The following KLHL29 variants were observed in gnomAD, a reference collection of about 807,000 sequenced individuals.
KLHL29 encodes the protein kelch like family member 29, also known as kelch-like protein 29.
In KLHL29, 21 loss-of-function variants were observed where a neutral mutation model predicts 80.4. The observed-to-expected ratio is 0.26, with a 90% confidence interval of 0.19 to 0.38. KLHL29 has a LOEUF of 0.38. Ranked by LOEUF, KLHL29 falls within the 10% of genes least tolerant of loss-of-function variation. The pLI is 1.00. For missense variants in KLHL29, 867 were observed against 1,223.9 expected (o/e 0.71, Z 4.35); for synonymous variants, 511 against 526.8 (o/e 0.97, Z 0.41).
At chr2:23,518,582 C>T (rs1417638626) in intron 2 of KLHL29, among the ~76,000 whole-genome samples, 2 of 152,178 alleles carry the variant, frequency 1.3e-5, no homozygotes, top group African/African-American at 4.8e-5. Context: ...TCCGGGAAGG[C>T]TCTGTGCACC....
chr2:23,582,466 C>G (rs1668011104), intron 3 of KLHL29, among the ~76,000 whole-genome samples: 1 of 152,148 alleles, frequency 6.6e-6, no homozygotes, highest in Non-Finnish European at 1.5e-5. Context: ...CCGGGGACCC[C>G]TATGACTCAG....
chr2:23,548,981 C>T (rs1667054927), intron 2 of KLHL29, among the ~76,000 whole-genome samples: 1 of 152,180 alleles, frequency 6.6e-6, no homozygotes, highest in Admixed American at 6.5e-5. Flanking sequence ...TGATCCCTTC[C>T]CCGCCTGCCT....
intron 3 of KLHL29, among the ~76,000 whole-genome samples, chr2:23,624,118 G>A (rs577484700): frequency 6.6e-6 from 1 of 152,210 alleles, no homozygotes; most frequent in East Asian, 1.9e-4. Context: ...CTTCTCACAA[G>A]GCGCCATTGG....
chr2:23,621,765 A>C (rs1048382449), intron 3 of KLHL29, among the ~76,000 whole-genome samples: 18 of 152,192 alleles, frequency 1.2e-4, no homozygotes, highest in African/African-American at 4.3e-4. Context: ...GGGAGTGCCC[A>C]GACAAGCTGC....
chr2:23,474,833 T>C (rs976867296), intron 1 of KLHL29, among the ~76,000 whole-genome samples: 4 of 152,092 alleles, frequency 2.6e-5, no homozygotes, highest in African/African-American at 9.7e-5. Flanking sequence ...ATATATTTGG[T>C]TTAAAAAAAT....
intron 1 of KLHL29, among the ~76,000 whole-genome samples, chr2:23,449,901 C>G (rs573660397): frequency 6.6e-6 from 1 of 152,154 alleles, no homozygotes. Context: ...GGCTATCTAG[C>G]GAGGCTCTGC....
At chr2:23,674,848 C>T (rs545589142) in intron 5 of KLHL29, among the ~76,000 whole-genome samples, 24 of 152,130 alleles carry the variant, frequency 1.6e-4, no homozygotes, top group Middle Eastern at 3.4e-3. Context: ...CATAAAAGGA[C>T]GGTAGGGCCA....
intron 2 of KLHL29, among the ~76,000 whole-genome samples, chr2:23,476,606 T>C (rs78943504): frequency 0.045 from 6,796 of 152,278 alleles, 379 homozygotes; most frequent in African/African-American, 0.13. Flanking sequence ...ACTCTGTGGA[T>C]ATAATAGCAT....
intron 3 of KLHL29, among the ~76,000 whole-genome samples, chr2:23,601,811 A>G (rs1668578837): frequency 6.6e-6 from 1 of 152,158 alleles, no homozygotes; most frequent in South Asian, 2.1e-4. Context: ...AGGGGTTTCC[A>G]TCCCACATCC....
chr2:23,388,989 C>CTTCTTCTTTTT (rs759353519), intron 1 of KLHL29, among the ~76,000 whole-genome samples: 1 of 106,884 alleles, frequency 9.4e-6, no homozygotes, highest in African/African-American at 3.8e-5. Flanking sequence ...CTTTCTTCTT[C>CTTCTTCTTTTT]TTTTTTTTTT....
Position 23,703,762 on chromosome 2 carries a change from C to A in KLHL29, c.2343C>A (p.Phe781Leu). 8 of 1,537,356 alleles carry A rather than the reference C, an allele frequency of 5.2e-6. No homozygotes were observed. Among genetic ancestry groups the A allele is most frequent in the Non-Finnish European group, 7.0e-6 (8 of 1,146,926 alleles). The change falls in exon 13 of 14, where the codon TTC (phenylalanine) becomes TTA (leucine). Residue 781 changes from phenylalanine to leucine, a missense_variant. This residue lies in a region of KLHL29 where 443 missense variants were observed against 767.0 expected (regional missense o/e 0.58). Transcript: ENST00000486442. ...CTGTCACGCTCAATGGCTTCGTTTT[C>A]ATCCTGGGCGGGGCTTATGCCAGAG... ...APAVTLNGFV[F>L]ILGGAYARAT... is the part of the protein sequence containing the mutation.
intron 3 of KLHL29, among the ~76,000 whole-genome samples, chr2:23,611,860 A>T (rs1194816004): frequency 6.7e-6 from 1 of 149,592 alleles, no homozygotes; most frequent in Admixed American, 6.7e-5. Flanking sequence ...TTAAGAATTC[A>T]ATGTCGAGTT....
chr2:23,597,682 C>A (rs1258269680), intron 3 of KLHL29, among the ~76,000 whole-genome samples: 1 of 151,948 alleles, frequency 6.6e-6, no homozygotes, highest in Non-Finnish European at 1.5e-5. Context: ...GCCTTGGCCT[C>A]CCAAAGTGCT....
chr2:23,552,361 A>G (rs1667152568), intron 2 of KLHL29, among the ~76,000 whole-genome samples: 1 of 152,224 alleles, frequency 6.6e-6, no homozygotes, highest in Admixed American at 6.5e-5. Context: ...ATCAAGTTGT[A>G]CACATTAAAT....
At chr2:23,591,357 A>T (rs1668256166) in intron 3 of KLHL29, among the ~76,000 whole-genome samples, 1 of 152,120 alleles carries the variant, frequency 6.6e-6, no homozygotes, top group Non-Finnish European at 1.5e-5. Context: ...GTCCCAGGCC[A>T]GCCCTCTCTG....
intron 5 of KLHL29, among the ~76,000 whole-genome samples, chr2:23,683,098 G>A (rs988877966): frequency 6.6e-6 from 1 of 152,274 alleles, no homozygotes; most frequent in Admixed American, 6.5e-5. Flanking sequence ...GAGGCTCAGA[G>A]AGACAAAGGG....
Position 23,682,278 on chromosome 2 carries a change from C to T in KLHL29, c.941-2121C>T, listed in dbSNP as rs1018156027. On this transcript the variant is annotated intron_variant, in intron 5 of 13. Coordinates refer to ENST00000486442, the MANE Select transcript of KLHL29 (RefSeq NM_052920.2). This position sits in a 1 kb window ranked among gnomAD's most constrained non-coding sequence, Gnocchi z 4.1. The stretch of plus-strand genomic sequence containing the variant: ...ACCCGCTGAGCGCTCCCTGTGTGCC[C>T]GCCACATGCTGTCTCATGGAACCTT... 2.6e-5 allele frequency among the ~76,000 whole-genome samples: 4 copies of T among 152,276 alleles called. No homozygotes were observed. The highest frequency in any genetic ancestry group is 2.1e-4 in the South Asian group (1 of 4,824).
chr2:23,640,690 G>A (rs976665456), intron 4 of KLHL29, among the ~76,000 whole-genome samples: 5 of 152,292 alleles, frequency 3.3e-5, no homozygotes, highest in African/African-American at 1.2e-4. Context: ...AATATGCGTT[G>A]CACATGTATT....
At chr2:23,507,885 CTCTTTGTTA>C (rs1241734373) in intron 2 of KLHL29, among the ~76,000 whole-genome samples, 1 of 152,236 alleles carries the variant, frequency 6.6e-6, no homozygotes, top group Non-Finnish European at 1.5e-5. Context: ...CTCTATAGTT[CTCTTTGTTA>C]TCTTTGGCCA....
Sources: allele counts gnomAD v4.1 joint callset (sites outside exome capture counted in the v4.1 genomes callset), GRCh38; gene constraint gnomAD v4.1.1; regional missense constraint gnomAD v4.1.1; non-coding constraint Gnocchi (gnomAD v3.1); transcripts MANE v1.5; gene names NCBI Gene and HGNC (gene_info 2026-07-23, HGNC 2026-07-21).